The following PPFIA3 variants were observed in gnomAD, a reference collection of about 807,000 sequenced individuals.
PPFIA3 encodes liprin-alpha-3.
In PPFIA3, 26 loss-of-function variants were observed where a neutral mutation model predicts 145.8. The ratio of observed to expected loss-of-function variants is 0.18; its 90% CI spans 0.13 to 0.25. The LOEUF (loss-of-function observed/expected upper bound fraction) is 0.25, where lower values mean the gene tolerates loss of function less well. Among genes scored for constraint, PPFIA3 ranks in the 10% least tolerant of loss-of-function variants. The pLI is 1.00. For synonymous variants in PPFIA3, 645 were observed against 661.4 expected, an observed-to-expected ratio of 0.98 and a Z score of 0.38; for missense variants, 1,008 against 1,587.8, an observed-to-expected ratio of 0.63 and a Z score of 6.21.
At chr19:49,150,208 G>A in intron 29 of PPFIA3, 28 bp from the exon 30 acceptor site, 1 of 1,419,632 alleles carries the variant, frequency 7.0e-7, no homozygotes, top group Non-Finnish European at 9.7e-7. Flanking sequence ...GATCTTCACT[G>A]CTCCACGCGC....
Position 49,128,727 on chromosome 19 carries a change from G to T in PPFIA3, c.343-121G>T, listed in dbSNP as rs755781039. The T allele has an allele frequency of 1.6e-5, 16 of 1,030,196 alleles. No homozygotes were observed. Among genetic ancestry groups the T allele is most frequent in the Non-Finnish European group, 2.1e-5 (15 of 708,920 alleles). The allele number at this position is 1,030,196 out of a possible 1,614,324, so 63.8% of individuals were successfully genotyped here. A position where few individuals can be genotyped will look rare whatever the true frequency, so the allele number is the denominator to read the frequency against. ...CTCCTCTCTTTTCCTGACCTGTCTC[G>T]GTGCTCCTTTATATGGCTCCATCTT... is the stretch of plus-strand genomic sequence containing the variant. On this transcript the variant is annotated intron_variant, in intron 3 of 29. Transcript: ENST00000334186. This position sits in a 1 kb window ranked among gnomAD's most constrained non-coding sequence, Gnocchi z 4.1.
chr19:49,134,745 G>T, intron 12 of PPFIA3, 44 bp downstream of exon 12: 1 of 1,612,228 alleles, frequency 6.2e-7, no homozygotes, highest in Non-Finnish European at 8.5e-7. Flanking sequence ...TGGGGCAGTG[G>T]TTGCTGAGGC....
chr19:49,135,042 TG>T, intron 13 of PPFIA3, 127 bp downstream of exon 13: 3 of 761,334 alleles, frequency 3.9e-6, no homozygotes, highest in Non-Finnish European at 4.0e-6. Context: ...GTTTTTTGTT[TG>T]TTTGTTTGTT....
At position 49,142,072 on chromosome 19, in the gene PPFIA3, CT is replaced by C; in HGVS notation, c.2505del (p.Phe835LeufsTer88). ...GAGGAGGCCTGCCGCCAGGGCCTAC[CT>C]TTTGCTGCCTGGGACGGGCCCACCG... Reference protein sequence around the residue: ...LLEEACRQGLPFAAWDGPTVV... With the variant: ...LLEEACRQGLXFAAWDGPTVV... On this transcript the variant is annotated frameshift_variant, in exon 20 of 30. Coordinates refer to ENST00000334186, the MANE Select transcript of PPFIA3 (RefSeq NM_003660.4). LOFTEE classifies it high-confidence loss of function. 3 of 1,578,322 alleles carry C rather than the reference CT, an allele frequency of 1.9e-6. No homozygotes were observed. Among genetic ancestry groups the C allele is most frequent in the Non-Finnish European group, 2.6e-6 (3 of 1,161,852 alleles).
intron 7 of PPFIA3, among the ~76,000 whole-genome samples, chr19:49,132,390 C>CAAAAAAAAAAAAAAAAAAA (rs11351172): frequency 2.3e-5 from 1 of 43,648 alleles, no homozygotes; most frequent in Non-Finnish European, 3.7e-5. Flanking sequence ...CTCTCTCTCT[C>CAAAAAAAAAAAAAAAAAAA]AAAAAAAAAA....
At position 49,133,326 on chromosome 19, in the gene PPFIA3, C is replaced by A; in HGVS notation, c.1116C>A (p.Pro372=). The A allele has an allele frequency of 6.2e-7, 1 of 1,609,866 alleles. No homozygotes were observed. Among genetic ancestry groups the A allele is most frequent in the South Asian group, 1.1e-5 (1 of 90,916 alleles). Residue 372 remains proline (P), a synonymous_variant, in exon 9 of 30, where the codon CCC becomes CCA. Coordinates refer to ENST00000334186, the MANE Select transcript of PPFIA3 (RefSeq NM_003660.4). This position sits in a 1 kb window ranked among gnomAD's most constrained non-coding sequence, Gnocchi z 7.2. ...CGCTGCAGAAAGCGGAGACCTTGCC[C>A]GAGATAGAGGCGCAGCTGGCGCAGC... is the stretch of plus-strand genomic sequence containing the variant. The part of the protein sequence containing the change: ...QQTLQKAETL[P]EIEAQLAQRV...
intron 1 of PPFIA3, among the ~76,000 whole-genome samples, chr19:49,126,560 CTTTTTTTTTT>C (rs762895281): frequency 8.4e-6 from 1 of 118,808 alleles, no homozygotes; most frequent in African/African-American, 3.3e-5. Flanking sequence ...CCTGGCCTTG[CTTTTTTTTTT>C]TTTTTTTTTT....
intron 7 of PPFIA3, among the ~76,000 whole-genome samples, chr19:49,132,501 G>C (rs1172384296): frequency 6.6e-6 from 1 of 150,568 alleles, no homozygotes; most frequent in Non-Finnish European, 1.5e-5. Context: ...GCCCCACCAC[G>C]TGGGCTACCA....
intron 12 of PPFIA3, 60 bp from the exon 13 acceptor site, chr19:49,134,775 AG>A: frequency 1.2e-6 from 2 of 1,611,490 alleles, no homozygotes; most frequent in Non-Finnish European, 1.7e-6. Flanking sequence ...CAAGTCTGGC[AG>A]GGGCTGTTCC....
intron 7 of PPFIA3, among the ~76,000 whole-genome samples, chr19:49,131,788 A>C (rs1484722051): frequency 6.6e-6 from 1 of 151,744 alleles, no homozygotes; most frequent in Non-Finnish European, 1.5e-5. Context: ...AGGCGGGCGG[A>C]TCACGAGGTC....
chr19:49,129,351 G>GCTGACTGTTGCC (rs749993757), intron 4 of PPFIA3, 29 bp from the exon 5 acceptor site: 107 of 1,547,658 alleles, frequency 6.9e-5, no homozygotes, highest in Non-Finnish European at 9.1e-5. Flanking sequence ...CTTGTCTCCA[G>GCTGACTGTTGCC]CTGACTGTTG....
chr19:49,123,535 T>C (rs2040962138), intron 1 of PPFIA3, among the ~76,000 whole-genome samples: 2 of 150,958 alleles, frequency 1.3e-5, no homozygotes, highest in Non-Finnish European at 1.5e-5. Flanking sequence ...CCGCCTCCCG[T>C]GTTCAAGCAA....
chr19:49,128,584 C>T lies in PPFIA3; in HGVS notation c.342+116C>T. 1.0e-6 allele frequency: 1 copy of T among 961,696 alleles called. No homozygotes were observed. The highest frequency in any genetic ancestry group is 1.6e-6 in the Non-Finnish European group (1 of 631,446). The allele number at this position is 961,696 out of a possible 1,614,324, so 59.6% of individuals were successfully genotyped here. On this transcript the variant is annotated intron_variant, in intron 3 of 29. Transcript: ENST00000334186. This position sits in a 1 kb window ranked among gnomAD's most constrained non-coding sequence, Gnocchi z 4.1. ...TATTTTTTTCCCCCATCTCGCCTTT[C>T]TGTCTTCTCCTCTTCCCTGCTCCCA... is the stretch of plus-strand genomic sequence containing the variant.
At chr19:49,136,649 G>C (rs2041140666) in intron 14 of PPFIA3, 75 bp from the exon 15 acceptor site, 3 of 1,065,040 alleles carry the variant, frequency 2.8e-6, no homozygotes, top group Non-Finnish European at 3.7e-6. Flanking sequence ...GGGCAAGTCA[G>C]GATCATGAGC....
chr19:49,148,859 G>A, intron 25 of PPFIA3, 96 bp downstream of exon 25: 2 of 1,487,704 alleles, frequency 1.3e-6, no homozygotes, highest in Non-Finnish European at 1.8e-6. Context: ...GAAGCAAATT[G>A]GCACCATAAC....
intron 1 of PPFIA3, among the ~76,000 whole-genome samples, chr19:49,125,061 C>T (rs2122527139): frequency 6.6e-6 from 1 of 151,646 alleles, no homozygotes; most frequent in Non-Finnish European, 1.5e-5. Context: ...AGTGAGACTC[C>T]GTCTCAAAAA....
rs1273624644 is a variant in PPFIA3, at chr19:49,129,506, G to C, written c.582+52G>C. On this transcript the variant is annotated intron_variant, in intron 5 of 29. Transcript: ENST00000334186. Reference sequence around the variant, plus strand: ...TTGAATCCAAGGGGAGGGGCTAAGGGGCTGCCCACGGGGCGGAGCCGGTTG... The same window carrying C: ...TTGAATCCAAGGGGAGGGGCTAAGGCGCTGCCCACGGGGCGGAGCCGGTTG... 6 of 1,538,720 alleles carry C rather than the reference G, an allele frequency of 3.9e-6. No homozygotes were observed. The South Asian group carries it at 4.8e-5, about 12-fold the overall frequency.
At chr19:49,135,355 T>C (rs545549947) in intron 13 of PPFIA3, among the ~76,000 whole-genome samples, 6 of 151,926 alleles carry the variant, frequency 3.9e-5, no homozygotes, top group African/African-American at 7.2e-5. Flanking sequence ...TCTGGTTTTT[T>C]ACCCTGACTT....
chr19:49,120,080 T>C lies in PPFIA3; in HGVS notation c.-16+358T>C, dbSNP rs1034791416. ...AGACTCCCCAGACGCGTCCGCATCGTCCCCGCTTCGCGCACTCCGTCTCCC... is the reference window on the plus strand; with the variant it reads ...AGACTCCCCAGACGCGTCCGCATCGCCCCCGCTTCGCGCACTCCGTCTCCC... On this transcript the variant is annotated intron_variant, in intron 1 of 29. Coordinates refer to ENST00000334186, the MANE Select transcript of PPFIA3 (RefSeq NM_003660.4). The surrounding 1 kb of genome is among the most constrained non-coding windows in gnomAD (Gnocchi z 4.6). Among the ~76,000 whole-genome samples the C allele has an allele frequency of 1.3e-5, 2 of 151,820 alleles. No individual in the cohort carries two copies. The highest frequency in any genetic ancestry group is 4.8e-5 in the African/African-American group (2 of 41,320).
Sources: gnomAD v4.1 joint callset for allele counts (sites outside exome capture counted in the v4.1 genomes callset) on GRCh38, gnomAD v4.1.1 for gene constraint, Gnocchi (gnomAD v3.1) non-coding constraint, MANE v1.5 for transcripts, NCBI Gene and HGNC (gene_info 2026-07-23, HGNC 2026-07-21) for gene names.